Variants in GPBP1 observed in about 807,000 individuals in gnomAD.
GPBP1 encodes the protein GC-rich promoter binding protein 1, also known as vasculin.
In GPBP1, 13 loss-of-function variants were observed where a neutral mutation model predicts 56.5. The observed-to-expected ratio is 0.23, with a 90% CI of 0.15 to 0.37. The LOEUF is 0.37. Among genes scored for constraint, GPBP1 ranks in the 10% least tolerant of loss-of-function variants. GPBP1 has a pLI of 1.00. For synonymous variants in GPBP1, 204 were observed against 188.9 expected (o/e 1.08, Z -0.66); for missense variants, 477 against 572.3 (o/e 0.83, Z 1.70).
chr5:57,221,355 G>A (rs758789537), intron 3 of GPBP1: 6 of 1,520,284 alleles, frequency 3.9e-6, no homozygotes, highest in Non-Finnish European at 8.9e-7. Flanking sequence ...AATTGTGACT[G>A]ATCTTATCAT....
chr5:57,204,967 C>T (rs1391088385), intron 2 of GPBP1, among the ~76,000 whole-genome samples: 1 of 152,108 alleles, frequency 6.6e-6, no homozygotes, highest in Non-Finnish European at 1.5e-5. Context: ...GTAAAAATAA[C>T]ATCACATAAA....
chr5:57,246,910 AAAAG>A (rs749749682), intron 7 of GPBP1, among the ~76,000 whole-genome samples, 161 bp from the exon 8 acceptor site: 1 of 152,196 alleles, frequency 6.6e-6, no homozygotes, highest in East Asian at 1.9e-4. Context: ...TATTTGTTGA[AAAAG>A]AAAGGGACAG....
In GPBP1 at chr5:57,240,062, T is replaced by A. The variant is rs116075088; in HGVS notation, c.478+4030T>A. Among the ~76,000 whole-genome samples, 953 of 152,088 alleles carry A rather than the reference T, an allele frequency of 6.3e-3. 8 individuals are homozygous for A. Among genetic ancestry groups the A allele is most frequent in the Non-Finnish European group, 9.0e-3 (611 of 67,958 alleles). ...TATCACTTGGGGCCAGGAGCTCTCA[T>A]AGGGAGACCCTTGTCTCTACAAAAA... On this transcript the variant is annotated intron_variant, in intron 6 of 11. Coordinates refer to ENST00000506184, the MANE Select transcript of GPBP1 (RefSeq NM_022913.4).
chr5:57,190,322 T>C, intron 2 of GPBP1, among the ~76,000 whole-genome samples: 1 of 151,990 alleles, frequency 6.6e-6, no homozygotes, highest in Admixed American at 6.6e-5. Flanking sequence ...TGGTGGCTCA[T>C]ACCTGTAATC....
rs1185173574 is a variant in GPBP1, at chr5:57,231,176, G to C, written c.266G>C (p.Gly89Ala). ...ACAGAAAACATAAATCATCGAGGTG[G>C]ATACCATGGTGGAAGTTCCCGTTCT... ...NGTENINHRG[G>A]YHGGSSRSRS... The change falls in exon 5 of 12, where the codon GGA (glycine) becomes GCA (alanine). Residue 89 changes from glycine to alanine, a missense_variant. Gly to Ala is a moderately conservative substitution (Grantham distance 60). Around this residue, in one of 2 missense-constraint regions of GPBP1, gnomAD observed 414 missense variants for 458.2 expected, o/e 0.90. Transcript: ENST00000506184. The C allele has an allele frequency of 6.2e-7, 1 of 1,614,164 alleles. No individual in the cohort carries two copies.
chr5:57,205,635 G>A (rs1455585831), intron 2 of GPBP1, among the ~76,000 whole-genome samples: 2 of 149,842 alleles, frequency 1.3e-5, no homozygotes, highest in South Asian at 2.1e-4. Context: ...GAGCGAAGTA[G>A]TATTTCATTG....
chr5:57,208,333 A>G (rs985777561), intron 2 of GPBP1, among the ~76,000 whole-genome samples: 1 of 151,988 alleles, frequency 6.6e-6, no homozygotes, highest in South Asian at 2.1e-4. Flanking sequence ...TCCCGGGCTC[A>G]AGCAATCCTT....
intron 2 of GPBP1, among the ~76,000 whole-genome samples, chr5:57,184,138 A>G (rs1754184442): frequency 6.6e-6 from 1 of 152,044 alleles, no homozygotes; most frequent in South Asian, 2.1e-4. Context: ...AGGCTGAGGC[A>G]GGAGAATCAC....
rs70999069 is a variant in GPBP1, at chr5:57,248,419, A to ATT, written c.805-965_805-964dup. ...ACTGTATTGGAACCCCTCATATACT[A>ATT]TTTTTTTTTTTTTTTTTTTTTTTTT... On this transcript the variant is annotated intron_variant, in intron 8 of 11. Coordinates refer to ENST00000506184, the MANE Select transcript of GPBP1 (RefSeq NM_022913.4). Among the ~76,000 whole-genome samples the ATT allele has an allele frequency of 7.0e-3, 692 of 99,326 alleles. 37 individuals are homozygous for ATT. The highest frequency in any genetic ancestry group is 0.01 in the Non-Finnish European group (555 of 54,272). The allele number at this position is 99,326 out of a possible 152,430, so 65.2% of individuals were successfully genotyped here. A position where few individuals can be genotyped will look rare whatever the true frequency, so the allele number is the denominator to read the frequency against.
chr5:57,219,670 T>TTC lies in GPBP1; in HGVS notation c.63+5478_63+5479dup, dbSNP rs1185824106. 2.0e-5 allele frequency among the ~76,000 whole-genome samples: 3 copies of TTC among 152,218 alleles called. No homozygotes were observed. In the South Asian group the frequency reaches 6.2e-4, roughly 32 times the overall value. On this transcript the variant is annotated intron_variant, in intron 3 of 11. Transcript: ENST00000506184. The stretch of plus-strand genomic sequence containing the variant: ...CCTGGATGCATATGGGTTTCCTGCT[T>TTC]TCCTCTTTTGTCATTTTCTCTGAAA...
intron 3 of GPBP1, among the ~76,000 whole-genome samples, chr5:57,223,831 A>G (rs549927032): frequency 4.6e-4 from 69 of 149,952 alleles, no homozygotes; most frequent in African/African-American, 1.6e-3. Flanking sequence ...ATATTTGTTT[A>G]TTTTATTTTA....
rs755790209 is a variant in GPBP1 at position 57,263,714 on chromosome 5, G to A, written c.*962G>A. The A allele has an allele frequency of 1.1e-4, 16 of 152,022 alleles. No homozygotes were observed. Among genetic ancestry groups the A allele is most frequent in the African/African-American group, 1.4e-4 (6 of 41,402 alleles). The allele number at this position is 152,022 out of a possible 1,614,324, so 9.4% of individuals were successfully genotyped here. A position where few individuals can be genotyped will look rare whatever the true frequency, so the allele number is the denominator to read the frequency against. On this transcript the variant is annotated 3_prime_UTR_variant, in exon 12 of 12. Transcript: ENST00000506184. ...TACTAAAGATGGTGATTACTTTTCC[G>A]AGGTCAGAAAAGGAAAGCTAAGCGT...
intron 8 of GPBP1, among the ~76,000 whole-genome samples, chr5:57,247,916 A>T (rs553199246): frequency 6.6e-6 from 1 of 151,802 alleles, no homozygotes; most frequent in Admixed American, 6.6e-5. Flanking sequence ...CTAATTTTTT[A>T]CTTTTTGTAG....
chr5:57,247,285 G>A, intron 8 of GPBP1, 70 bp downstream of exon 8: 3 of 1,223,946 alleles, frequency 2.5e-6, no homozygotes, highest in Non-Finnish European at 1.1e-6. Flanking sequence ...TGAATAAAAG[G>A]TAGAAATTCA....
chr5:57,179,098 A>G (rs934891187), intron 2 of GPBP1, among the ~76,000 whole-genome samples: 1 of 152,186 alleles, frequency 6.6e-6, no homozygotes, highest in Non-Finnish European at 1.5e-5. Context: ...GACCAAATAA[A>G]TGTTCAAGCA....
At chr5:57,186,403 AT>A (rs143986018) in intron 2 of GPBP1, among the ~76,000 whole-genome samples, 1 of 147,312 alleles carries the variant, frequency 6.8e-6, no homozygotes, top group African/African-American at 2.6e-5. Context: ...AAAAAAAAAA[AT>A]TTTTTTTTCT....
At position 57,263,636 on chromosome 5, in the gene GPBP1, C is replaced by T. The variant is rs935493933; in HGVS notation, c.*884C>T. On this transcript the variant is annotated 3_prime_UTR_variant, in exon 12 of 12. Coordinates refer to ENST00000506184, the MANE Select transcript of GPBP1 (RefSeq NM_022913.4). ...GGTATTGTTTCTAAACATAAACATA[C>T]TCTAAACATGCTTTATTCACTTGTT... 3.9e-5 allele frequency: 6 copies of T among 152,096 alleles called. No individual in the cohort carries two copies. The highest frequency in any genetic ancestry group is 7.4e-5 in the Non-Finnish European group (5 of 68,000). The allele number at this position is 152,096 out of a possible 1,614,324, so 9.4% of individuals were successfully genotyped here. A position where few individuals can be genotyped will look rare whatever the true frequency, so the allele number is the denominator to read the frequency against.
intron 2 of GPBP1, among the ~76,000 whole-genome samples, chr5:57,178,838 T>C (rs1753912004): frequency 6.6e-6 from 1 of 152,222 alleles, no homozygotes; most frequent in South Asian, 2.1e-4. Context: ...ACTTTTCCTT[T>C]TATCTTTTCT....
chr5:57,225,255 T>G (rs1370722125), intron 3 of GPBP1, among the ~76,000 whole-genome samples: 2 of 151,896 alleles, frequency 1.3e-5, no homozygotes, highest in African/African-American at 2.4e-5. Flanking sequence ...TCAGGAGATC[T>G]TGACCATCCT....
Sources: allele counts gnomAD v4.1 joint callset (sites outside exome capture counted in the v4.1 genomes callset), GRCh38; gene constraint gnomAD v4.1.1; regional missense constraint gnomAD v4.1.1; transcripts MANE v1.5; gene names NCBI Gene and HGNC (gene_info 2026-07-23, HGNC 2026-07-21).